The following SIRT1 variants were observed in gnomAD, a reference collection of about 807,000 sequenced individuals.
The protein encoded by SIRT1 is sirtuin 1.
A neutral mutation model predicts 67.9 loss-of-function variants in SIRT1; 24 were observed. The ratio of observed to expected loss-of-function variants is 0.35; its 90% CI spans 0.26 to 0.50. The LOEUF (loss-of-function observed/expected upper bound fraction) is 0.50, where lower values mean the gene tolerates loss of function less well. Among genes scored for constraint, SIRT1 ranks in the 20% least tolerant of loss-of-function variants. The pLI is 0.98. For synonymous variants in SIRT1, 378 were observed against 350.7 expected (o/e 1.08, Z -0.87); for missense variants, 873 against 937.2 (o/e 0.93, Z 0.89).
intron 3 of SIRT1, among the ~76,000 whole-genome samples, chr10:67,890,227 T>C (rs1842547685): frequency 6.6e-6 from 1 of 152,164 alleles, no homozygotes; most frequent in Admixed American, 6.5e-5. Context: ...GGCTAATTTT[T>C]GTATTTTTAG....
chr10:67,890,156 A>G (rs2131850353), intron 3 of SIRT1, among the ~76,000 whole-genome samples: 1 of 151,988 alleles, frequency 6.6e-6, no homozygotes, highest in East Asian at 1.9e-4. Flanking sequence ...CCTGGGTTCA[A>G]GCAATTCTCT....
In SIRT1 at chr10:67,912,467, A is replaced by C; in HGVS notation, c.1358-7A>C. ...TTTTCTAACTCTTATTTTTCACCCT[A>C]TTTTAGGTTCCATACCCCATGAAGT... On this transcript the variant is annotated splice_region_variant and splice_polypyrimidine_tract_variant and intron_variant, in intron 7 of 8. Coordinates refer to ENST00000212015, the MANE Select transcript of SIRT1 (RefSeq NM_012238.5). 1 of 1,584,706 alleles carries C rather than the reference A, an allele frequency of 6.3e-7. No individual in the cohort carries two copies. The highest frequency in any genetic ancestry group is 8.6e-7 in the Non-Finnish European group (1 of 1,168,958).
intron 4 of SIRT1, among the ~76,000 whole-genome samples, chr10:67,900,895 C>T (rs926102083): frequency 1.3e-5 from 2 of 152,086 alleles, no homozygotes; most frequent in Admixed American, 6.6e-5. Context: ...TTTGATTTAC[C>T]TTTCAAATTT....
chr10:67,885,779 T>G (rs2131843432), intron 1 of SIRT1, among the ~76,000 whole-genome samples: 1 of 152,266 alleles, frequency 6.6e-6, no homozygotes, highest in East Asian at 1.9e-4. Context: ...GAGAGTACTT[T>G]TAGAGCTGTT....
intron 3 of SIRT1, 44 bp from the exon 4 acceptor site, chr10:67,891,358 A>G: frequency 3.8e-6 from 6 of 1,580,168 alleles, no homozygotes; most frequent in Non-Finnish European, 5.2e-6. Flanking sequence ...GTTCCTATAA[A>G]GGTAGAAGAT....
chr10:67,885,281 C>T, intron 1 of SIRT1, 130 bp downstream of exon 1: 2 of 1,245,618 alleles, frequency 1.6e-6, no homozygotes, highest in Non-Finnish European at 2.0e-6. Context: ...CACCCCGGCC[C>T]TCCGTTCAGC....
chr10:67,892,611 T>C (rs964851208), intron 4 of SIRT1, among the ~76,000 whole-genome samples: 3 of 150,782 alleles, frequency 2.0e-5, no homozygotes, highest in Non-Finnish European at 3.0e-5. Flanking sequence ...TTTTTTTTTT[T>C]CTTTTTTTGA....
At chr10:67,885,941 C>CT (rs766544980) in intron 1 of SIRT1, among the ~76,000 whole-genome samples, 7,301 of 95,538 alleles carry the variant, frequency 0.076, 593 homozygotes, top group East Asian at 0.34. Context: ...TTGAAGGTTT[C>CT]TTTTTTTTTT....
At position 67,914,361 on chromosome 10, in the gene SIRT1, C is replaced by T. The variant is rs141338032; in HGVS notation, c.1915+1330C>T. On this transcript the variant is annotated intron_variant, in intron 8 of 8. Transcript: ENST00000212015. ...CTGGAATTACAGGCGTGAGCCACGG[C>T]GCCCAGCCCCAAAAGGTAGATTCTA... Among the ~76,000 whole-genome samples, 12 of 152,126 alleles carry T rather than the reference C, an allele frequency of 7.9e-5. 1 individual carries two copies. The highest frequency in any genetic ancestry group is 5.8e-4 in the East Asian group (3 of 5,158).
chr10:67,886,363 C>T (rs1478441555), intron 1 of SIRT1, among the ~76,000 whole-genome samples: 1 of 151,850 alleles, frequency 6.6e-6, no homozygotes, highest in African/African-American at 2.4e-5. Flanking sequence ...GAGGCCAAAG[C>T]GGGAGGATCT....
intron 7 of SIRT1, among the ~76,000 whole-genome samples, chr10:67,911,657 ATCCT>A (rs761860657): frequency 9.7e-6 from 1 of 103,000 alleles, no homozygotes; most frequent in Non-Finnish European, 1.8e-5. Flanking sequence ...CCTTCCATTC[ATCCT>A]TCCTTCTGTT....
At chr10:67,885,182 C>T (rs938709067) in intron 1 of SIRT1, 31 bp downstream of exon 1, 3 of 1,330,620 alleles carry the variant, frequency 2.3e-6, no homozygotes, top group African/African-American at 1.5e-5. Context: ...CGGAACTGCG[C>T]ATCTCCTCCT....
chr10:67,906,229 C>G, intron 4 of SIRT1: 4 of 1,520,120 alleles, frequency 2.6e-6, no homozygotes, highest in Non-Finnish European at 2.6e-6. Context: ...ACTCAGCATT[C>G]ATGAGCAACT....
Position 67,917,200 on chromosome 10 carries a change from G to A in SIRT1, c.*607G>A, listed in dbSNP as rs1196108720. On this transcript the variant is annotated 3_prime_UTR_variant, in exon 9 of 9. Transcript: ENST00000212015. The stretch of plus-strand genomic sequence containing the variant: ...TCAACAATATGTGGGGAGAGCACTC[G>A]GTTGTCTTTACTTTTAAAAGTAATA... The A allele has an allele frequency of 1.3e-5, 2 of 152,506 alleles. No individual in the cohort carries two copies. Among genetic ancestry groups the A allele is most frequent in the East Asian group, 1.9e-4 (1 of 5,200 alleles). 9.4% of individuals were successfully genotyped at this position (152,506 alleles called of 1,614,324 possible).
At chr10:67,892,471 T>G (rs1378050956) in intron 4 of SIRT1, among the ~76,000 whole-genome samples, 1 of 152,128 alleles carries the variant, frequency 6.6e-6, no homozygotes, top group Non-Finnish European at 1.5e-5. Context: ...CACTCAGTAG[T>G]CTGAGGTGGG....
chr10:67,913,474 C>T (rs374014879), intron 8 of SIRT1, among the ~76,000 whole-genome samples: 62 of 152,322 alleles, frequency 4.1e-4, no homozygotes, highest in African/African-American at 1.5e-3. Flanking sequence ...TCTATTTATG[C>T]TTAGAGCCTG....
intron 3 of SIRT1, 131 bp downstream of exon 3, chr10:67,889,254 G>A: frequency 1.0e-6 from 1 of 1,001,728 alleles, no homozygotes; most frequent in Non-Finnish European, 1.4e-6. Context: ...GCCAAAAACT[G>A]AGTGCAGCAG....
intron 4 of SIRT1, among the ~76,000 whole-genome samples, chr10:67,904,897 A>G (rs1302221279): frequency 6.6e-6 from 1 of 151,524 alleles, no homozygotes; most frequent in Non-Finnish European, 1.5e-5. Context: ...GTCCCTTATG[A>G]TTTGTCTTAA....
At position 67,895,988 on chromosome 10, in the gene SIRT1, C is replaced by T. The variant is rs76789187; in HGVS notation, c.942+4434C>T. Among the ~76,000 whole-genome samples the T allele has an allele frequency of 4.1e-3, 628 of 151,996 alleles. 2 individuals carry two copies. Among genetic ancestry groups the T allele is most frequent in the Non-Finnish European group, 7.0e-3 (474 of 67,952 alleles). ...AACTCCTGACCTCAGGTGATCCGCC[C>T]GCCTAGGCCAAAGTGCTGGGATTAC... On this transcript the variant is annotated intron_variant, in intron 4 of 8. Coordinates refer to ENST00000212015, the MANE Select transcript of SIRT1 (RefSeq NM_012238.5).
Sources: allele counts gnomAD v4.1 joint callset (sites outside exome capture counted in the v4.1 genomes callset), GRCh38; gene constraint gnomAD v4.1.1; transcripts MANE v1.5; gene names NCBI Gene and HGNC (gene_info 2026-07-23, HGNC 2026-07-21).